The following CHCHD3 variants were observed in gnomAD, a reference collection of about 807,000 sequenced individuals.
The protein encoded by CHCHD3 is MICOS complex subunit MIC19.
A neutral mutation model predicts 38.2 loss-of-function variants in CHCHD3; 20 were observed. That is an observed-to-expected ratio of 0.52 (90% confidence interval 0.37 to 0.76). The LOEUF (loss-of-function observed/expected upper bound fraction) is 0.76. Among genes scored for constraint, CHCHD3 ranks in the 30% least tolerant of loss-of-function variants. CHCHD3 has a pLI of 0.00. For synonymous variants in CHCHD3, 82 were observed against 100.0 expected (o/e 0.82, Z 1.07); for missense variants, 245 against 279.2 (o/e 0.88, Z 0.87).
At chr7:132,813,523 C>T (rs939227798) in intron 6 of CHCHD3, 3 of 152,118 alleles carry the variant, frequency 2.0e-5, no homozygotes, top group South Asian at 4.1e-4. Flanking sequence ...AGTAAGATAA[C>T]GTTTAAGCTC....
intron 2 of CHCHD3, among the ~76,000 whole-genome samples, chr7:133,037,045 A>G (rs554560730): frequency 1.3e-5 from 2 of 152,332 alleles, no homozygotes; most frequent in East Asian, 1.9e-4. Context: ...TCACATATTT[A>G]TTGTAAATGA....
intron 4 of CHCHD3, among the ~76,000 whole-genome samples, chr7:132,900,784 A>G (rs1809646650): frequency 6.6e-6 from 1 of 152,196 alleles, no homozygotes; most frequent in South Asian, 2.1e-4. Flanking sequence ...TGAGGTCAGG[A>G]GTTCAAGACC....
chr7:132,965,094 C>G (rs1363086514), intron 4 of CHCHD3, among the ~76,000 whole-genome samples: 1 of 113,462 alleles, frequency 8.8e-6, no homozygotes, highest in Non-Finnish European at 2.0e-5. Context: ...TGTTTTACTT[C>G]CTGTGAGTGT....
At chr7:132,823,711 A>C (rs1269873442) in intron 6 of CHCHD3, among the ~76,000 whole-genome samples, 1 of 152,216 alleles carries the variant, frequency 6.6e-6, no homozygotes, top group African/African-American at 2.4e-5. Context: ...ATTCAATCAG[A>C]ATTATAGACA....
At chr7:132,981,877 T>C (rs919611275) in intron 3 of CHCHD3, among the ~76,000 whole-genome samples, 1 of 152,218 alleles carries the variant, frequency 6.6e-6, no homozygotes, top group African/African-American at 2.4e-5. Flanking sequence ...GTGACCGTTA[T>C]ACATAGGCAA....
intron 4 of CHCHD3, among the ~76,000 whole-genome samples, chr7:132,968,158 G>A (rs1282379641): frequency 3.3e-5 from 5 of 152,150 alleles, no homozygotes; most frequent in Admixed American, 1.3e-4. Context: ...ATAACACACA[G>A]GAGGTAGAGG....
At chr7:132,939,431 CA>C (rs1444967156) in intron 4 of CHCHD3, among the ~76,000 whole-genome samples, 1 of 152,042 alleles carries the variant, frequency 6.6e-6, no homozygotes, top group Non-Finnish European at 1.5e-5. Context: ...TTTAGATACA[CA>C]AAGAGTTACC....
At chr7:133,023,467 T>C (rs1190948975) in intron 3 of CHCHD3, among the ~76,000 whole-genome samples, 1 of 152,184 alleles carries the variant, frequency 6.6e-6, no homozygotes, top group African/African-American at 2.4e-5. Context: ...AATTCAAAGA[T>C]TCCTTACCTC....
intron 2 of CHCHD3, among the ~76,000 whole-genome samples, chr7:133,047,058 C>T (rs1814012699): frequency 6.6e-6 from 1 of 152,142 alleles, no homozygotes; most frequent in South Asian, 2.1e-4. Context: ...TCGGTTTCTT[C>T]GTTCACAAAT....
In CHCHD3 at chr7:133,035,650, C is replaced by T. The variant is rs11549630; in HGVS notation, c.170-11023G>A. ...ACCCACTGCACCACCTGGGCTGCTG[C>T]CTCTGGAGTACTTCCCCGCAGCTCC... On this transcript the variant is annotated intron_variant, in intron 2 of 7. Coordinates refer to ENST00000262570, the MANE Select transcript of CHCHD3 (RefSeq NM_017812.4). The surrounding 1 kb of genome is among the most constrained non-coding windows in gnomAD (Gnocchi z 4.7). The T allele has an allele frequency of 1.9e-6, 3 of 1,611,426 alleles. No homozygotes were observed. Among genetic ancestry groups the T allele is most frequent in the Non-Finnish European group, 1.7e-6 (2 of 1,178,496 alleles).
intron 4 of CHCHD3, among the ~76,000 whole-genome samples, chr7:132,943,329 G>T (rs533467784): frequency 1.3e-5 from 2 of 152,152 alleles, no homozygotes; most frequent in East Asian, 1.9e-4. Context: ...AATATTTTTT[G>T]AGTGTAAATA....
At chr7:132,944,054 A>G (rs956102270) in intron 4 of CHCHD3, among the ~76,000 whole-genome samples, 11 of 152,160 alleles carry the variant, frequency 7.2e-5, no homozygotes, top group Admixed American at 4.6e-4. Flanking sequence ...TACAGAAAGA[A>G]AACATTAAAA....
At chr7:132,993,861 G>C (rs1812345490) in intron 3 of CHCHD3, among the ~76,000 whole-genome samples, 1 of 152,214 alleles carries the variant, frequency 6.6e-6, no homozygotes, top group Non-Finnish European at 1.5e-5. Flanking sequence ...TCTGTCGTCA[G>C]ATGTGCTTCT....
At chr7:132,814,491 T>C (rs1375945550) in intron 6 of CHCHD3, among the ~76,000 whole-genome samples, 1 of 152,228 alleles carries the variant, frequency 6.6e-6, no homozygotes, top group Non-Finnish European at 1.5e-5. Context: ...TGTAATGGCC[T>C]TGTAGCCAAC....
chr7:132,959,929 A>G (rs1484661368), intron 4 of CHCHD3, among the ~76,000 whole-genome samples: 1 of 152,128 alleles, frequency 6.6e-6, no homozygotes, highest in African/African-American at 2.4e-5. Context: ...TGTATTCTGG[A>G]AAGAGAACAA....
intron 4 of CHCHD3, among the ~76,000 whole-genome samples, chr7:132,892,950 A>T (rs1449064822): frequency 6.6e-6 from 1 of 152,116 alleles, no homozygotes; most frequent in Non-Finnish European, 1.5e-5. Flanking sequence ...CTCATGAAGA[A>T]CCTCTGCTAG....
chr7:133,031,247 C>T (rs947606320), intron 2 of CHCHD3, among the ~76,000 whole-genome samples: 1 of 151,900 alleles, frequency 6.6e-6, no homozygotes, highest in African/African-American at 2.4e-5. Flanking sequence ...CTGTGTTTAC[C>T]GAAACTGGTT....
intron 4 of CHCHD3, among the ~76,000 whole-genome samples, chr7:132,972,267 T>A (rs1811631935): frequency 6.6e-6 from 1 of 152,226 alleles, no homozygotes; most frequent in Non-Finnish European, 1.5e-5. Context: ...AACGTATTTA[T>A]CAGTATAAAA....
At chr7:132,871,808 C>T (rs1369461901) in intron 5 of CHCHD3, among the ~76,000 whole-genome samples, 1 of 152,152 alleles carries the variant, frequency 6.6e-6, no homozygotes, top group Non-Finnish European at 1.5e-5. Flanking sequence ...ACAGTAGATG[C>T]TCAACATCCC....
Sources: allele counts gnomAD v4.1 joint callset (sites outside exome capture counted in the v4.1 genomes callset), GRCh38; gene constraint gnomAD v4.1.1; non-coding constraint Gnocchi (gnomAD v3.1); transcripts MANE v1.5; gene names NCBI Gene and HGNC (gene_info 2026-07-23, HGNC 2026-07-21).